Variants in GRM5 observed in about 807,000 individuals in gnomAD.
GRM5 encodes glutamate metabotropic receptor 5.
GRM5 carries 19 observed loss-of-function variants against 83.1 expected under a neutral mutation model. The observed-to-expected ratio is 0.23, with a 90% CI of 0.16 to 0.34. GRM5 has a LOEUF of 0.34. GRM5 is among the 10% of genes least tolerant of loss of function. The pLI, the probability that GRM5 is intolerant of heterozygous loss-of-function variation, is 1.00. For synonymous variants in GRM5, 675 were observed against 633.6 expected, an observed-to-expected ratio of 1.07 and a Z score of -0.98; for missense variants, 1,160 against 1,588.3, an observed-to-expected ratio of 0.73 and a Z score of 4.58.
In GRM5 at chr11:88,620,872, G is replaced by A. The variant is rs183479161; in HGVS notation, c.1148-15908C>T. 7.9e-5 allele frequency among the ~76,000 whole-genome samples: 12 copies of A among 152,238 alleles called. No individual in the cohort carries two copies. In the East Asian group the frequency reaches 1.7e-3, roughly 22 times the overall value. On this transcript the variant is annotated intron_variant, in intron 4 of 9. Coordinates refer to ENST00000305447, the MANE Select transcript of GRM5 (RefSeq NM_001143831.3). The stretch of plus-strand genomic sequence containing the variant: ...AAATACAGGCAGTTGACCTCTGAAT[G>A]CTCATATTGAAATGCAAATGAACAC...
chr11:88,515,513 C>G (rs1003150800), intron 9 of GRM5, among the ~76,000 whole-genome samples: 1 of 152,078 alleles, frequency 6.6e-6, no homozygotes, highest in Non-Finnish European at 1.5e-5. Context: ...CATCGCTATG[C>G]TAATTACCCT....
chr11:88,647,379 TA>T (rs1159349765), intron 4 of GRM5, among the ~76,000 whole-genome samples: 1 of 139,918 alleles, frequency 7.1e-6, no homozygotes, highest in Non-Finnish European at 1.6e-5. Flanking sequence ...AAAGAACCAG[TA>T]ATCCTTTTGG....
rs149948287 is a variant in GRM5, at chr11:88,941,782, A to G, written c.662-91627T>C. Among the ~76,000 whole-genome samples, 972 of 152,196 alleles carry G rather than the reference A, an allele frequency of 6.4e-3. 7 individuals are homozygous for G. Among genetic ancestry groups the G allele is most frequent in the African/African-American group, 0.02 (841 of 41,542 alleles). On this transcript the variant is annotated intron_variant, in intron 2 of 9. Coordinates refer to ENST00000305447, the MANE Select transcript of GRM5 (RefSeq NM_001143831.3). Reference sequence around the variant, plus strand: ...CAGAATCTTAACCAAATAATGGCACATATATACCTACTGATGCGATGATGT... The same window carrying G: ...CAGAATCTTAACCAAATAATGGCACGTATATACCTACTGATGCGATGATGT...
At chr11:88,910,394 A>C (rs1288508390) in intron 2 of GRM5, among the ~76,000 whole-genome samples, 1 of 152,004 alleles carries the variant, frequency 6.6e-6, no homozygotes, top group Non-Finnish European at 1.5e-5. Flanking sequence ...TATTTGTTTG[A>C]GTTTCTGTTC....
At chr11:88,978,519 T>C (rs924454336) in intron 2 of GRM5, among the ~76,000 whole-genome samples, 32 of 100,654 alleles carry the variant, frequency 3.2e-4, no homozygotes, top group East Asian at 3.1e-4. Flanking sequence ...AAAAAAAACC[T>C]CATAATGTCT....
At chr11:88,644,787 G>A (rs1250823004) in intron 4 of GRM5, among the ~76,000 whole-genome samples, 1 of 152,124 alleles carries the variant, frequency 6.6e-6, no homozygotes, top group Non-Finnish European at 1.5e-5. Flanking sequence ...ATACTGAGAA[G>A]AGAGGAGGGA....
At chr11:88,903,610 C>G (rs1383634683) in intron 2 of GRM5, among the ~76,000 whole-genome samples, 1 of 152,160 alleles carries the variant, frequency 6.6e-6, no homozygotes, top group Non-Finnish European at 1.5e-5. Flanking sequence ...GAGGATGGAA[C>G]AGGAGGCCAT....
chr11:88,617,274 C>G (rs1338185015), intron 4 of GRM5, among the ~76,000 whole-genome samples: 2 of 152,078 alleles, frequency 1.3e-5, no homozygotes, highest in Non-Finnish European at 2.9e-5. Flanking sequence ...TCTGATTCTC[C>G]CACTGAATAC....
At position 88,934,311 on chromosome 11, in the gene GRM5, G is replaced by GT. The variant is rs1472951411; in HGVS notation, c.662-84157dup. ...TTGATTTCAAAGATAACCTAACAAG[G>GT]TTAATAACTCTTATCTTCCGGATGA... On this transcript the variant is annotated intron_variant, in intron 2 of 9. Coordinates refer to ENST00000305447, the MANE Select transcript of GRM5 (RefSeq NM_001143831.3). Among the ~76,000 whole-genome samples, 28 of 151,820 alleles carry GT rather than the reference G, an allele frequency of 1.8e-4. 1 individual carries two copies. Among genetic ancestry groups the GT allele is most frequent in the African/African-American group, 6.5e-4 (27 of 41,502 alleles).
At chr11:88,589,200 C>T (rs1163951014) in intron 7 of GRM5, among the ~76,000 whole-genome samples, 1 of 152,032 alleles carries the variant, frequency 6.6e-6, no homozygotes, top group Non-Finnish European at 1.5e-5. Flanking sequence ...TTCAAGAAAA[C>T]CAATCATAGT....
chr11:88,629,172 C>T (rs1017682854), intron 4 of GRM5, among the ~76,000 whole-genome samples: 1 of 152,230 alleles, frequency 6.6e-6, no homozygotes, highest in South Asian at 2.1e-4. Context: ...GAAGAAGGAC[C>T]CTGAAAAGGC....
chr11:88,727,583 C>T (rs938294783), intron 3 of GRM5, among the ~76,000 whole-genome samples: 1 of 152,182 alleles, frequency 6.6e-6, no homozygotes, highest in African/African-American at 2.4e-5. Flanking sequence ...AGAGAATATA[C>T]ATTCTTCTCA....
At chr11:88,641,514 A>G (rs1604812) in intron 4 of GRM5, among the ~76,000 whole-genome samples, 105,298 of 152,080 alleles carry the variant, frequency 0.69, 41,762 homozygotes, top group Non-Finnish European at 0.9. Context: ...CAAGTCCAAT[A>G]CCTCATCTCA....
At chr11:88,925,630 C>T (rs1945775718) in intron 2 of GRM5, 1 of 389,002 alleles carries the variant, frequency 2.6e-6, no homozygotes, top group South Asian at 1.9e-5. Flanking sequence ...TGGCACTGGC[C>T]GGGTGCTGGG....
intron 2 of GRM5, among the ~76,000 whole-genome samples, chr11:88,967,248 CATATATATATATATAT>C (rs61389354): frequency 3.5e-5 from 5 of 141,664 alleles, no homozygotes; most frequent in African/African-American, 1.3e-4. Context: ...TATATATACA[CATATATATATATATAT>C]ATATATATAT....
chr11:88,983,231 A>AT (rs1189977225), intron 2 of GRM5, among the ~76,000 whole-genome samples: 1 of 152,152 alleles, frequency 6.6e-6, no homozygotes, highest in Non-Finnish European at 1.5e-5. Flanking sequence ...TATCATTACA[A>AT]TTTTTTCTTC....
intron 2 of GRM5, among the ~76,000 whole-genome samples, chr11:88,910,946 G>A (rs759134988): frequency 3.3e-5 from 5 of 151,832 alleles, no homozygotes; most frequent in African/African-American, 1.2e-4. Flanking sequence ...GCTAGAGAAT[G>A]GGAACAAAAA....
rs375989994 is a variant in GRM5, at chr11:89,024,485, T to C, written c.661+22727A>G. Reference sequence around the variant, plus strand: ...TGAAGAAGTTTATTTTGGCATTAAATTCATTTTTAATTTGCTTCAAATAAT... The same window carrying C: ...TGAAGAAGTTTATTTTGGCATTAAACTCATTTTTAATTTGCTTCAAATAAT... On this transcript the variant is annotated intron_variant, in intron 2 of 9. Coordinates refer to ENST00000305447, the MANE Select transcript of GRM5 (RefSeq NM_001143831.3). Among the ~76,000 whole-genome samples, 32 of 152,346 alleles carry C rather than the reference T, an allele frequency of 2.1e-4. No individual in the cohort carries two copies. In the East Asian group the frequency reaches 5.2e-3, roughly 25 times the overall value.
intron 2 of GRM5, among the ~76,000 whole-genome samples, chr11:88,967,248 C>CATATATAT (rs61389354): frequency 5.6e-5 from 8 of 141,664 alleles, no homozygotes; most frequent in African/African-American, 1.5e-4. Flanking sequence ...TATATATACA[C>CATATATAT]ATATATATAT....
Sources: allele counts gnomAD v4.1 joint callset (sites outside exome capture counted in the v4.1 genomes callset), GRCh38; gene constraint gnomAD v4.1.1; transcripts MANE v1.5; gene names NCBI Gene and HGNC (gene_info 2026-07-23, HGNC 2026-07-21).